The following FSTL5 variants were observed in gnomAD, a reference collection of about 807,000 sequenced individuals.
The protein encoded by FSTL5 is follistatin like 5, also known as follistatin-related protein 5.
FSTL5 carries 62 observed loss-of-function variants against 89.1 expected under a neutral mutation model. The observed-to-expected ratio is 0.70, with a 90% CI of 0.57 to 0.86. The LOEUF is 0.86. Among genes scored for constraint, FSTL5 ranks in the 40% least tolerant of loss-of-function variants. FSTL5 has a pLI of 0.00. For synonymous variants in FSTL5, 383 were observed against 346.2 expected (o/e 1.11, Z -1.18); for missense variants, 1,057 against 1,001.6 (o/e 1.06, Z -0.75).
rs146916020 is a variant in FSTL5 at position 161,647,276 on chromosome 4, T to G, written c.894+9052A>C. Among the ~76,000 whole-genome samples, 913 of 152,316 alleles carry G rather than the reference T, an allele frequency of 6.0e-3. 9 individuals carry two copies. The highest frequency in any genetic ancestry group is 0.045 in the South Asian group (219 of 4,828). On this transcript the variant is annotated intron_variant, in intron 7 of 15. Transcript: ENST00000306100. Reference sequence around the variant, plus strand: ...GAGATGATACTTTCTCCACTGTGTATTTTTGGTACCCTTCTAGAACATCAA... The same window carrying G: ...GAGATGATACTTTCTCCACTGTGTAGTTTTGGTACCCTTCTAGAACATCAA...
intron 3 of FSTL5, among the ~76,000 whole-genome samples, chr4:161,942,501 T>A (rs566847606): frequency 6.6e-6 from 1 of 152,028 alleles, no homozygotes; most frequent in Non-Finnish European, 1.5e-5. Context: ...ATAAAGAGAC[T>A]AAATCAGTAA....
At chr4:161,531,965 G>C (rs1003697651) in intron 10 of FSTL5, among the ~76,000 whole-genome samples, 3 of 152,120 alleles carry the variant, frequency 2.0e-5, no homozygotes, top group Admixed American at 2.0e-4. Flanking sequence ...AGCACTTTGG[G>C]AGGCCGAGAC....
chr4:162,143,404 C>T (rs999203405), intron 1 of FSTL5, among the ~76,000 whole-genome samples: 50 of 151,692 alleles, frequency 3.3e-4, no homozygotes, highest in African/African-American at 1.2e-3. Context: ...AAAAGTGTTT[C>T]TTACATAATT....
intron 7 of FSTL5, among the ~76,000 whole-genome samples, chr4:161,626,269 G>T (rs760087874): frequency 6.6e-6 from 1 of 152,078 alleles, no homozygotes; most frequent in African/African-American, 2.4e-5. Flanking sequence ...AAAACAGGCC[G>T]ATTCTCTTGT....
intron 2 of FSTL5, among the ~76,000 whole-genome samples, chr4:162,093,174 T>G (rs1342726252): frequency 6.6e-6 from 1 of 152,128 alleles, no homozygotes; most frequent in Non-Finnish European, 1.5e-5. Flanking sequence ...AGCGTAGTGA[T>G]AGCATAAGAC....
At chr4:161,411,272 T>C (rs920203884) in intron 15 of FSTL5, among the ~76,000 whole-genome samples, 21 of 152,094 alleles carry the variant, frequency 1.4e-4, no homozygotes, top group African/African-American at 4.8e-4. Flanking sequence ...GAAGAACTGA[T>C]ACTAATCCTA....
intron 12 of FSTL5, among the ~76,000 whole-genome samples, chr4:161,485,476 T>C (rs1197591564): frequency 2.0e-5 from 3 of 152,136 alleles, no homozygotes; most frequent in African/African-American, 4.8e-5. Context: ...TCTAGGAAAA[T>C]TGTTGAACAG....
intron 2 of FSTL5, among the ~76,000 whole-genome samples, chr4:162,045,758 C>T (rs978788347): frequency 1.3e-5 from 2 of 152,040 alleles, no homozygotes; most frequent in African/African-American, 4.8e-5. Flanking sequence ...AAGAGGTATG[C>T]TTGTTGCTAA....
chr4:161,833,348 G>C (rs1004103995), intron 4 of FSTL5, among the ~76,000 whole-genome samples: 9 of 151,614 alleles, frequency 5.9e-5, no homozygotes, highest in African/African-American at 1.9e-4. Context: ...TGAAAAAAAT[G>C]TATATTCTGT....
chr4:162,031,387 C>G (rs1037191947), intron 3 of FSTL5, among the ~76,000 whole-genome samples: 1 of 152,052 alleles, frequency 6.6e-6, no homozygotes, highest in Non-Finnish European at 1.5e-5. Flanking sequence ...AATTAGTAAT[C>G]AATGAATATA....
At chr4:161,390,278 A>T (rs1282050288) in intron 15 of FSTL5, among the ~76,000 whole-genome samples, 1 of 152,176 alleles carries the variant, frequency 6.6e-6, no homozygotes, top group Non-Finnish European at 1.5e-5. Context: ...TAAAAGTCAC[A>T]GAAAATTTTG....
chr4:161,530,026 A>C (rs2126528745), intron 10 of FSTL5, among the ~76,000 whole-genome samples: 1 of 143,034 alleles, frequency 7.0e-6, no homozygotes, highest in African/African-American at 2.5e-5. Flanking sequence ...ATCCTACATA[A>C]GTGATCTCAT....
At chr4:161,438,178 A>T (rs1267626214) in intron 15 of FSTL5, among the ~76,000 whole-genome samples, 2 of 152,210 alleles carry the variant, frequency 1.3e-5, no homozygotes, top group Non-Finnish European at 2.9e-5. Context: ...TACTGGGAAA[A>T]GGCTATGGAT....
At position 161,455,858 on chromosome 4, in the gene FSTL5, C is replaced by A. The variant is rs114721851; in HGVS notation, c.1717-730G>T. ...AGCCTTCTAAAGGGCCTTTTTCCTG[C>A]CTTTACTTTATCCACTTTTAAATAC... On this transcript the variant is annotated intron_variant, in intron 14 of 15. Coordinates refer to ENST00000306100, the MANE Select transcript of FSTL5 (RefSeq NM_020116.5). Among the ~76,000 whole-genome samples, 1,300 of 152,178 alleles carry A rather than the reference C, an allele frequency of 8.5e-3. 13 individuals carry two copies. The highest frequency in any genetic ancestry group is 0.028 in the African/African-American group (1,176 of 41,522).
chr4:161,471,640 TTGAA>T (rs775678303), intron 13 of FSTL5, among the ~76,000 whole-genome samples: 1 of 152,214 alleles, frequency 6.6e-6, no homozygotes, highest in Non-Finnish European at 1.5e-5. Flanking sequence ...TTAGTTCTCT[TTGAA>T]TGTTTGGTAA....
intron 2 of FSTL5, among the ~76,000 whole-genome samples, chr4:162,067,811 A>C (rs1379597536): frequency 6.6e-6 from 1 of 152,120 alleles, no homozygotes; most frequent in Non-Finnish European, 1.5e-5. Context: ...CCATTGTCTT[A>C]GCCCAAAAGC....
At position 161,655,398 on chromosome 4, in the gene FSTL5, C is replaced by A. The variant is rs148062207; in HGVS notation, c.894+930G>T. ...GTATAGTCCCTATTGGTCCAGTGAA[C>A]ACATGACCCCAGATTGACCAATCAG... On this transcript the variant is annotated intron_variant, in intron 7 of 15. Transcript: ENST00000306100. 6.0e-3 allele frequency among the ~76,000 whole-genome samples: 913 copies of A among 152,044 alleles called. 9 individuals are homozygous for A. Among genetic ancestry groups the A allele is most frequent in the South Asian group, 0.045 (218 of 4,812 alleles).
At chr4:161,451,768 T>C (rs1485491722) in intron 15 of FSTL5, among the ~76,000 whole-genome samples, 1 of 152,180 alleles carries the variant, frequency 6.6e-6, no homozygotes, top group Admixed American at 6.5e-5. Flanking sequence ...GAGAAATCCA[T>C]ATATAGGAAA....
chr4:161,811,523 A>G (rs1730146366), intron 4 of FSTL5, among the ~76,000 whole-genome samples: 1 of 152,176 alleles, frequency 6.6e-6, no homozygotes. Context: ...TAATCTTAAA[A>G]TGACTCTATT....
Sources: gnomAD v4.1 joint callset for allele counts (sites outside exome capture counted in the v4.1 genomes callset) on GRCh38, gnomAD v4.1.1 for gene constraint, MANE v1.5 for transcripts, NCBI Gene and HGNC (gene_info 2026-07-23, HGNC 2026-07-21) for gene names.